The following VIPR2 variants were observed in gnomAD, a reference collection of about 807,000 sequenced individuals.
VIPR2 encodes the protein vasoactive intestinal polypeptide receptor 2.
Under a neutral mutation model 58.0 loss-of-function variants are expected in VIPR2, and 48 were observed. That is an observed-to-expected ratio of 0.83 (90% confidence interval 0.66 to 1.05). VIPR2 has a LOEUF of 1.05. Among genes scored for constraint, VIPR2 ranks in the 50% least tolerant of loss-of-function variants. The probability of loss-of-function intolerance (pLI) is 0.00; values close to 1 mark genes in which losing one functional copy is unlikely to be tolerated. For missense variants in VIPR2, 534 were observed against 558.0 expected, an observed-to-expected ratio of 0.96 and a Z score of 0.43; for synonymous variants, 243 against 235.2, an observed-to-expected ratio of 1.03 and a Z score of -0.30.
chr7:159,034,739 C>CG, intron 8 of VIPR2, 89 bp from the exon 9 acceptor site: 1 of 1,036,242 alleles, frequency 9.7e-7, no homozygotes, highest in East Asian at 2.4e-5. Context: ...TCCCAACTTG[C>CG]CCACTCCCCT....
intron 4 of VIPR2, among the ~76,000 whole-genome samples, chr7:159,086,604 C>T (rs1314820090): frequency 1.3e-5 from 2 of 152,238 alleles, no homozygotes; most frequent in Non-Finnish European, 2.9e-5. Context: ...TGTGAAGTTT[C>T]TTTCCAGGGA....
At chr7:159,104,854 T>A (rs1858553052) in intron 3 of VIPR2, among the ~76,000 whole-genome samples, 1 of 148,402 alleles carries the variant, frequency 6.7e-6, no homozygotes, top group Non-Finnish European at 1.5e-5. Flanking sequence ...GGCCAGGCCC[T>A]CACCACCAAC....
chr7:159,031,752 T>A lies in VIPR2; in HGVS notation c.1143+76A>T. 1 of 1,610,432 alleles carries A rather than the reference T, an allele frequency of 6.2e-7. No homozygotes were observed. Among genetic ancestry groups the A allele is most frequent in the Non-Finnish European group, 8.5e-7 (1 of 1,179,324 alleles). On this transcript the variant is annotated intron_variant, in intron 12 of 12. Coordinates refer to ENST00000262178, the MANE Select transcript of VIPR2 (RefSeq NM_003382.5). This position sits in a 1 kb window ranked among gnomAD's most constrained non-coding sequence, Gnocchi z 4.0. ...GCGGAAGACAGGCATGTGTGGGGGC[T>A]GCGGCACCAGGCTGGGCAGCATCTC...
chr7:159,049,684 G>C (rs2540357), intron 5 of VIPR2, among the ~76,000 whole-genome samples: 90,065 of 152,074 alleles, frequency 0.59, 28,480 homozygotes, highest in East Asian at 0.75. Flanking sequence ...AAACCAGAAA[G>C]CAGTGGCCAA....
chr7:159,053,267 T>A (rs569801155), intron 5 of VIPR2, among the ~76,000 whole-genome samples: 2 of 152,080 alleles, frequency 1.3e-5, no homozygotes, highest in African/African-American at 4.8e-5. Flanking sequence ...AATATTAATA[T>A]ACTAAAATAA....
chr7:159,090,111 C>A (rs1237670900), intron 4 of VIPR2, among the ~76,000 whole-genome samples: 3 of 139,102 alleles, frequency 2.2e-5, no homozygotes, highest in Admixed American at 2.1e-4. Flanking sequence ...GTGACCATCA[C>A]AATCCCCGGT....
chr7:159,080,152 G>A (rs571727549), intron 4 of VIPR2, among the ~76,000 whole-genome samples: 1 of 152,158 alleles, frequency 6.6e-6, no homozygotes, highest in Admixed American at 6.5e-5. Flanking sequence ...AAGCCTGGCA[G>A]AGACACAACA....
At chr7:159,086,767 C>T (rs1857198647) in intron 4 of VIPR2, among the ~76,000 whole-genome samples, 1 of 152,218 alleles carries the variant, frequency 6.6e-6, no homozygotes, top group African/African-American at 2.4e-5. Flanking sequence ...GCTTGCTTCC[C>T]ACCCCGTAGG....
intron 2 of VIPR2, among the ~76,000 whole-genome samples, chr7:159,115,389 G>A (rs1401819732): frequency 1.3e-5 from 2 of 152,188 alleles, no homozygotes; most frequent in Admixed American, 6.5e-5. Flanking sequence ...ATTGTTCTTC[G>A]GCTAAAATGT....
rs1027053819 is a variant in VIPR2, at chr7:159,127,228, G to A, written c.151+15218C>T. 4.6e-5 allele frequency among the ~76,000 whole-genome samples: 7 copies of A among 152,142 alleles called. No homozygotes were observed. In the East Asian group the frequency reaches 7.7e-4, roughly 17 times the overall value. ...GGTGAACTACGGACTGTTGGGAAAC[G>A]CCATCTCCTGGGACACCGCCCTTAG... On this transcript the variant is annotated intron_variant, in intron 2 of 12. Coordinates refer to ENST00000262178, the MANE Select transcript of VIPR2 (RefSeq NM_003382.5). The surrounding 1 kb of genome is among the most constrained non-coding windows in gnomAD (Gnocchi z 4.6).
At chr7:159,060,671 CTCACCTAACCACTAACCTCACT>C (rs1056151798) in intron 4 of VIPR2, among the ~76,000 whole-genome samples, 10 of 151,852 alleles carry the variant, frequency 6.6e-5, no homozygotes, top group Non-Finnish European at 1.3e-4. Context: ...CCATCTTCAC[CTCACCTAACCACTAACCTCACT>C]TCACCTAACC....
intron 2 of VIPR2, chr7:159,117,258 G>A: frequency 2.8e-6 from 2 of 714,744 alleles, no homozygotes; most frequent in Non-Finnish European, 5.2e-6. Flanking sequence ...TATCACCAGT[G>A]TATACCACAC....
intron 2 of VIPR2, among the ~76,000 whole-genome samples, chr7:159,119,238 G>C (rs964431854): frequency 6.6e-6 from 1 of 152,146 alleles, no homozygotes; most frequent in East Asian, 1.9e-4. Context: ...CAGGGGTCCC[G>C]CCCCACAGCT....
chr7:159,118,600 T>C (rs1377727344), intron 2 of VIPR2, among the ~76,000 whole-genome samples: 1 of 152,362 alleles, frequency 6.6e-6, no homozygotes, highest in Non-Finnish European at 1.5e-5. Flanking sequence ...CGCCATTCAA[T>C]GGCAGGCATG....
chr7:159,112,608 A>G (rs916152581), intron 2 of VIPR2, among the ~76,000 whole-genome samples: 14 of 150,522 alleles, frequency 9.3e-5, no homozygotes, highest in Non-Finnish European at 1.9e-4. Context: ...TACCCCCGGC[A>G]CCGGCAAGGG....
chr7:159,086,357 G>A (rs1040010170), intron 4 of VIPR2, among the ~76,000 whole-genome samples: 1 of 152,224 alleles, frequency 6.6e-6, no homozygotes, highest in African/African-American at 2.4e-5. Context: ...GAGCTGGGTT[G>A]TGGGGAGGTG....
chr7:159,140,750 C>T (rs958977182), intron 2 of VIPR2, among the ~76,000 whole-genome samples: 3 of 152,180 alleles, frequency 2.0e-5, no homozygotes, highest in Non-Finnish European at 4.4e-5. Context: ...CTGGGACCTG[C>T]GGCCCCTAGC....
At chr7:159,144,683 C>A (rs143671423) in intron 1 of VIPR2, 38 bp downstream of exon 1, 64 of 1,340,338 alleles carry the variant, frequency 4.8e-5, no homozygotes, top group Non-Finnish European at 5.7e-5. Flanking sequence ...AGAACCGGGT[C>A]CGAGGCGCCG....
chr7:159,083,916 G>T (rs1462117552), intron 4 of VIPR2, among the ~76,000 whole-genome samples: 1 of 152,196 alleles, frequency 6.6e-6, no homozygotes, highest in Non-Finnish European at 1.5e-5. Flanking sequence ...TGGTGCATGT[G>T]AACATTCTCA....
Sources: gnomAD v4.1 joint callset for allele counts (sites outside exome capture counted in the v4.1 genomes callset) on GRCh38, gnomAD v4.1.1 for gene constraint, Gnocchi (gnomAD v3.1) non-coding constraint, MANE v1.5 for transcripts, NCBI Gene and HGNC (gene_info 2026-07-23, HGNC 2026-07-21) for gene names.